Variants in DLGAP1 observed in about 807,000 individuals in gnomAD.
DLGAP1 encodes the protein disks large-associated protein 1.
Under a neutral mutation model 90.8 loss-of-function variants are expected in DLGAP1, and 11 were observed. The observed-to-expected ratio is 0.12, with a 90% CI of 0.08 to 0.20. The LOEUF (loss-of-function observed/expected upper bound fraction) is 0.20, where lower values mean the gene tolerates loss of function less well. Among genes scored for constraint, DLGAP1 ranks in the 10% least tolerant of loss-of-function variants. The pLI is 1.00. For synonymous variants in DLGAP1, 558 were observed against 540.7 expected, an observed-to-expected ratio of 1.03 and a Z score of -0.44; for missense variants, 1,050 against 1,333.8, an observed-to-expected ratio of 0.79 and a Z score of 3.31.
intron 1 of DLGAP1, among the ~76,000 whole-genome samples, chr18:4,446,046 A>T (rs1408791117): frequency 1.3e-5 from 2 of 152,206 alleles, no homozygotes; most frequent in Admixed American, 6.5e-5. Flanking sequence ...GCTTGAGTAC[A>T]TGCAAATAAA....
chr18:3,548,187 TTGTAAA>T (rs1412030603), intron 9 of DLGAP1, among the ~76,000 whole-genome samples: 1 of 152,194 alleles, frequency 6.6e-6, no homozygotes, highest in Non-Finnish European at 1.5e-5. Flanking sequence ...TTGTACAATG[TTGTAAA>T]TGTAGTTAAT....
chr18:4,199,113 T>A (rs1047356347), intron 1 of DLGAP1, among the ~76,000 whole-genome samples: 3 of 152,146 alleles, frequency 2.0e-5, no homozygotes, highest in African/African-American at 7.2e-5. Context: ...TTTGCAAGTG[T>A]GAAATTGGAA....
intron 1 of DLGAP1, among the ~76,000 whole-genome samples, chr18:4,413,594 A>T (rs575603765): frequency 1.8e-3 from 270 of 152,232 alleles, no homozygotes; most frequent in Non-Finnish European, 2.9e-3. Flanking sequence ...ATTGAATTCT[A>T]GGAAAGTTAA....
intron 7 of DLGAP1, among the ~76,000 whole-genome samples, chr18:3,678,425 C>T (rs2060390569): frequency 6.6e-6 from 1 of 152,184 alleles, no homozygotes; most frequent in East Asian, 1.9e-4. Context: ...CTCTCATTTC[C>T]CCATCTCTCC....
At chr18:3,903,745 G>T (rs2071835526) in intron 3 of DLGAP1, among the ~76,000 whole-genome samples, 1 of 152,214 alleles carries the variant, frequency 6.6e-6, no homozygotes, top group African/African-American at 2.4e-5. Context: ...AGGGGGAAGT[G>T]ATAGTACCAT....
intron 7 of DLGAP1, among the ~76,000 whole-genome samples, chr18:3,620,369 C>T (rs1174184614): frequency 6.6e-6 from 1 of 151,992 alleles, no homozygotes; most frequent in African/African-American, 2.4e-5. Flanking sequence ...CTCCCCTATG[C>T]CCTCCACAAG....
intron 1 of DLGAP1, among the ~76,000 whole-genome samples, chr18:4,444,110 A>G (rs1222327899): frequency 6.6e-6 from 1 of 152,172 alleles, no homozygotes; most frequent in Non-Finnish European, 1.5e-5. Flanking sequence ...TGCAATTGGA[A>G]GACAGGTGCA....
chr18:3,557,568 T>C (rs2053831349), intron 9 of DLGAP1, among the ~76,000 whole-genome samples: 2 of 152,122 alleles, frequency 1.3e-5, no homozygotes, highest in South Asian at 4.1e-4. Context: ...ATATTTAGTT[T>C]CTTGAGATTT....
intron 4 of DLGAP1, among the ~76,000 whole-genome samples, chr18:3,835,563 C>T (rs572294017): frequency 1.3e-5 from 2 of 150,746 alleles, no homozygotes; most frequent in East Asian, 2.0e-4. Flanking sequence ...GCAGGAGAAT[C>T]GCTTGAATCT....
chr18:3,669,884 C>A (rs1255080775), intron 7 of DLGAP1, among the ~76,000 whole-genome samples: 1 of 152,158 alleles, frequency 6.6e-6, no homozygotes, highest in African/African-American at 2.4e-5. Flanking sequence ...TAAAAGAACA[C>A]CCTGCGACAC....
At chr18:3,812,288 C>A (rs139704594) in intron 5 of DLGAP1, among the ~76,000 whole-genome samples, 2 of 152,202 alleles carry the variant, frequency 1.3e-5, no homozygotes, top group East Asian at 3.9e-4. Context: ...TCTTACAAAT[C>A]CAGTTCTTCT....
At chr18:3,885,449 C>A (rs1158340369) in intron 3 of DLGAP1, 1 of 152,178 alleles carries the variant, frequency 6.6e-6, no homozygotes, top group African/African-American at 2.4e-5. Context: ...ACTTCATGAC[C>A]TAGCCACAAA....
At chr18:3,674,470 A>G (rs1158906697) in intron 7 of DLGAP1, among the ~76,000 whole-genome samples, 1 of 151,422 alleles carries the variant, frequency 6.6e-6, no homozygotes, top group Non-Finnish European at 1.5e-5. Context: ...AAATAAAAAA[A>G]TCAGCTGGGC....
intron 9 of DLGAP1, among the ~76,000 whole-genome samples, chr18:3,559,811 C>T (rs986411627): frequency 5.9e-5 from 9 of 151,662 alleles, no homozygotes; most frequent in Admixed American, 4.6e-4. Context: ...TTAATAGATA[C>T]GGGGTTTCAC....
rs375089780 is a variant in DLGAP1 at position 3,713,673 on chromosome 18, T to C, written c.1591+15462A>G. 4.4e-4 allele frequency among the ~76,000 whole-genome samples: 67 copies of C among 152,302 alleles called. No individual in the cohort carries two copies. The East Asian group carries it at 5.4e-3, about 12-fold the overall frequency. The stretch of plus-strand genomic sequence containing the variant: ...AATTTGCTTTAGGTCTTCCACTTGA[T>C]TGTATCTTCAGTAATCATAAGTATT... On this transcript the variant is annotated intron_variant, in intron 7 of 12. Coordinates refer to ENST00000315677, the MANE Select transcript of DLGAP1 (RefSeq NM_004746.4).
chr18:4,298,724 G>T (rs2143207032), intron 1 of DLGAP1, among the ~76,000 whole-genome samples: 1 of 151,758 alleles, frequency 6.6e-6, no homozygotes, highest in Admixed American at 6.6e-5. Flanking sequence ...GTATACATAT[G>T]TAACTAACCT....
chr18:4,249,144 G>A (rs2078721632), intron 1 of DLGAP1, among the ~76,000 whole-genome samples: 2 of 152,086 alleles, frequency 1.3e-5, no homozygotes, highest in Non-Finnish European at 2.9e-5. Context: ...CATATCTTAT[G>A]CCTTATATGT....
At chr18:3,944,756 T>C (rs1187642774) in intron 3 of DLGAP1, among the ~76,000 whole-genome samples, 1 of 152,216 alleles carries the variant, frequency 6.6e-6, no homozygotes, top group Non-Finnish European at 1.5e-5. Context: ...TGAGAATCAC[T>C]ACTTTGTTGA....
At chr18:3,541,553 G>A (rs1168406296) in intron 9 of DLGAP1, among the ~76,000 whole-genome samples, 1 of 152,200 alleles carries the variant, frequency 6.6e-6, no homozygotes, top group East Asian at 1.9e-4. Context: ...CTCCTGGGTT[G>A]ACAAAGAAGC....
Sources: gnomAD v4.1 joint callset for allele counts (sites outside exome capture counted in the v4.1 genomes callset) on GRCh38, gnomAD v4.1.1 for gene constraint, MANE v1.5 for transcripts, NCBI Gene and HGNC (gene_info 2026-07-23, HGNC 2026-07-21) for gene names.